HACE1: variants seen among roughly 807,000 people sequenced by gnomAD.
HACE1 encodes E3 ubiquitin-protein ligase HACE1.
Under a neutral mutation model 118.4 loss-of-function variants are expected in HACE1, and 73 were observed. The ratio of observed to expected loss-of-function variants is 0.62; its 90% CI spans 0.51 to 0.75. The LOEUF (loss-of-function observed/expected upper bound fraction) is 0.75, where lower values mean the gene tolerates loss of function less well. Ranked by LOEUF, HACE1 falls within the 30% of genes least tolerant of loss-of-function variation. The pLI is 0.00. For missense variants in HACE1, 749 were observed against 1,102.2 expected, an observed-to-expected ratio of 0.68 and a Z score of 4.54; for synonymous variants, 368 against 374.8, an observed-to-expected ratio of 0.98 and a Z score of 0.21.
chr6:104,736,035 A>C (rs1490981459), intron 22 of HACE1, among the ~76,000 whole-genome samples: 1 of 151,906 alleles, frequency 6.6e-6, no homozygotes, highest in Non-Finnish European at 1.5e-5. Flanking sequence ...AATAACAAAA[A>C]TGTTATCAGT....
At chr6:104,818,350 G>A (rs1772329373) in intron 6 of HACE1, among the ~76,000 whole-genome samples, 1 of 152,004 alleles carries the variant, frequency 6.6e-6, no homozygotes, top group African/African-American at 2.4e-5. Context: ...GGAATGAGAT[G>A]GAAAGTAGCA....
At chr6:104,815,628 G>A (rs1227362968) in intron 6 of HACE1, among the ~76,000 whole-genome samples, 1 of 137,858 alleles carries the variant, frequency 7.3e-6, no homozygotes, top group East Asian at 2.2e-4. Context: ...CTCCTAAAGT[G>A]CTGGGATTAC....
rs769159103 is a variant in HACE1, at chr6:104,784,972, A to C, written c.1409+13T>G. The C allele has an allele frequency of 6.3e-7, 1 of 1,588,130 alleles. No individual in the cohort carries two copies. Among genetic ancestry groups the C allele is most frequent in the Admixed American group, 1.7e-5 (1 of 59,652 alleles). On this transcript the variant is annotated intron_variant, in intron 12 of 23. Transcript: ENST00000262903. Reference sequence around the variant, plus strand: ...TCAGAGAAAAAAAAAATAATAAGCCAAAACTTTCTTACCCCGGAGGCATCT... The same window carrying C: ...TCAGAGAAAAAAAAAATAATAAGCCCAAACTTTCTTACCCCGGAGGCATCT...
chr6:104,747,606 C>A (rs1280083083), intron 20 of HACE1, among the ~76,000 whole-genome samples: 1 of 151,832 alleles, frequency 6.6e-6, no homozygotes, highest in Non-Finnish European at 1.5e-5. Flanking sequence ...AGACTGGCAA[C>A]AGTGATGGTA....
chr6:104,852,375 A>T lies in HACE1; in HGVS notation c.77-4T>A. The T allele has an allele frequency of 6.7e-7, 1 of 1,486,534 alleles. No homozygotes were observed. Among genetic ancestry groups the T allele is most frequent in the Non-Finnish European group, 9.2e-7 (1 of 1,089,874 alleles). 92.1% of individuals were successfully genotyped at this position (1,486,534 alleles called of 1,614,324 possible). On this transcript the variant is annotated splice_polypyrimidine_tract_variant and splice_region_variant and intron_variant, in intron 1 of 23. Transcript: ENST00000262903. ...GTATAAACAGCAGTTTCATTATCTG[A>T]GTAAAAAAAAACAAAGAGTTCATTT...
At chr6:104,766,456 T>C (rs1436105571) in intron 19 of HACE1, among the ~76,000 whole-genome samples, 2 of 152,198 alleles carry the variant, frequency 1.3e-5, no homozygotes, top group African/African-American at 4.8e-5. Flanking sequence ...GCTCAACCTG[T>C]ATACTTTTCT....
chr6:104,794,064 C>T (rs541170179), intron 10 of HACE1, among the ~76,000 whole-genome samples: 4 of 152,126 alleles, frequency 2.6e-5, no homozygotes, highest in Admixed American at 6.5e-5. Context: ...ACCTAGAATC[C>T]GCTATTTACT....
chr6:104,822,727 C>T (rs549128465), intron 6 of HACE1, among the ~76,000 whole-genome samples: 12 of 150,826 alleles, frequency 8.0e-5, no homozygotes, highest in South Asian at 4.2e-4. Context: ...CGTGGTGGTA[C>T]ATGTCTGTAA....
intron 20 of HACE1, among the ~76,000 whole-genome samples, chr6:104,745,420 C>T (rs1001282836): frequency 2.0e-5 from 3 of 150,408 alleles, no homozygotes; most frequent in Non-Finnish European, 2.9e-5. Context: ...GATTGGCCTA[C>T]ACTTTACACT....
chr6:104,783,980 C>G, intron 14 of HACE1, 106 bp downstream of exon 14: 1 of 720,718 alleles, frequency 1.4e-6, no homozygotes, highest in Non-Finnish European at 2.5e-6. Context: ...AATCATTCCT[C>G]TTACAACAGA....
chr6:104,764,495 T>C (rs560373812), intron 19 of HACE1, among the ~76,000 whole-genome samples: 14 of 152,350 alleles, frequency 9.2e-5, no homozygotes, highest in African/African-American at 3.4e-4. Flanking sequence ...TCCAGGGTTA[T>C]CTGCCTCATT....
intron 6 of HACE1, among the ~76,000 whole-genome samples, chr6:104,814,619 T>C (rs1193695633): frequency 7.3e-6 from 1 of 137,182 alleles, no homozygotes; most frequent in Non-Finnish European, 1.6e-5. Flanking sequence ...GGAGAGACAC[T>C]AAGATTATTT....
In HACE1 at chr6:104,771,206, G is replaced by A; in HGVS notation, c.2198C>T (p.Thr733Ile). The A allele has an allele frequency of 6.2e-7, 1 of 1,609,230 alleles. No individual in the cohort carries two copies. Among genetic ancestry groups the A allele is most frequent in the Non-Finnish European group, 8.5e-7 (1 of 1,175,610 alleles). ...LKPGGGSILV[T>I]QNNKAEYVQL... ...TGAAATACTCACTTTATTATTTTGT[G>A]TCACAAGAATACTCCCACCCCCAGG... is the stretch of plus-strand genomic sequence containing the variant. Residue 733 changes from threonine (T) to isoleucine (I), a missense_variant, in exon 19 of 24, where the codon ACA becomes ATA. Around this residue, in one of 5 missense-constraint regions of HACE1, gnomAD observed 165 missense variants for 229.9 expected, o/e 0.72. Transcript: ENST00000262903.
intron 2 of HACE1, 115 bp from the exon 3 acceptor site, chr6:104,851,111 G>A (rs993810438): frequency 2.1e-5 from 15 of 699,682 alleles, no homozygotes; most frequent in African/African-American, 1.6e-4. Context: ...TGAGACAAGA[G>A]TCTTGCTCTG....
intron 13 of HACE1, 36 bp from the exon 14 acceptor site, chr6:104,784,209 G>C: frequency 8.6e-7 from 1 of 1,167,002 alleles, no homozygotes; most frequent in Non-Finnish European, 1.3e-6. Context: ...TGGACAGGAA[G>C]AATGAGTAGC....
At position 104,771,982 on chromosome 6, in the gene HACE1, T is replaced by C; in HGVS notation, c.1957A>G (p.Asn653Asp). The change falls in exon 18 of 24, where the codon AAC (asparagine) becomes GAC (aspartate). Residue 653 changes from asparagine (N) to aspartate (D), a missense_variant. Around this residue, in one of 5 missense-constraint regions of HACE1, gnomAD observed 195 missense variants for 322.1 expected, o/e 0.61. Transcript: ENST00000262903. Reference protein sequence around the residue: ...FAGQILGLALNHRQLVNIYFT... With the variant: ...FAGQILGLALDHRQLVNIYFT... Reference sequence around the variant, plus strand: ...TAAATATTGACCAGCTGCCTGTGGTTCAACGCTAATCCCAAGATCTGCCCA... The same window carrying C: ...TAAATATTGACCAGCTGCCTGTGGTCCAACGCTAATCCCAAGATCTGCCCA... 6.2e-7 allele frequency: 1 copy of C among 1,609,052 alleles called. No individual in the cohort carries two copies. Among genetic ancestry groups the C allele is most frequent in the Non-Finnish European group, 8.5e-7 (1 of 1,175,496 alleles).
intron 14 of HACE1, among the ~76,000 whole-genome samples, chr6:104,779,876 A>C (rs1040508165): frequency 2.0e-5 from 3 of 152,064 alleles, no homozygotes; most frequent in African/African-American, 7.2e-5. Context: ...TAATAATCAT[A>C]ATAATAAATT....
At chr6:104,788,226 ATT>A (rs1484343599) in intron 11 of HACE1, among the ~76,000 whole-genome samples, 1 of 152,090 alleles carries the variant, frequency 6.6e-6, no homozygotes, top group Non-Finnish European at 1.5e-5. Context: ...CATACATACC[ATT>A]TGTTACCGAA....
intron 6 of HACE1, among the ~76,000 whole-genome samples, chr6:104,832,377 G>GTTT (rs749094102): frequency 2.0e-4 from 25 of 124,354 alleles, no homozygotes; most frequent in Non-Finnish European, 3.0e-4. Context: ...CTATTTTCCT[G>GTTT]TTTTTTGTTG....
Sources: allele counts gnomAD v4.1 joint callset (sites outside exome capture counted in the v4.1 genomes callset), GRCh38; gene constraint gnomAD v4.1.1; regional missense constraint gnomAD v4.1.1; transcripts MANE v1.5; gene names NCBI Gene and HGNC (gene_info 2026-07-23, HGNC 2026-07-21).